SLC44A2: variants seen among roughly 807,000 people sequenced by gnomAD.
SLC44A2 encodes choline transporter-like protein 2.
A neutral mutation model predicts 90.8 loss-of-function variants in SLC44A2; 57 were observed. That is an observed-to-expected ratio of 0.63 (90% CI 0.51 to 0.78). The LOEUF is 0.78. Among genes scored for constraint, SLC44A2 ranks in the 30% least tolerant of loss-of-function variants. The pLI is 0.00. For missense variants in SLC44A2, 794 were observed against 919.7 expected, an observed-to-expected ratio of 0.86 and a Z score of 1.77; for synonymous variants, 355 against 360.7, an observed-to-expected ratio of 0.98 and a Z score of 0.18.
rs1165945709 is a variant in SLC44A2, at chr19:10,636,762, TC to T, written c.1591+9del. The T allele has an allele frequency of 1.2e-6, 2 of 1,612,356 alleles. No individual in the cohort carries two copies. Among genetic ancestry groups the T allele is most frequent in the Admixed American group, 1.7e-5 (1 of 59,790 alleles). On this transcript the variant is annotated splice_region_variant and intron_variant, in intron 16 of 21. Transcript: ENST00000335757. Reference sequence around the variant, plus strand: ...CCTGGATCAGCGGCTGAAAGGTACGTCCCACCCACGGTTCGCATTAGCTCCT... The same window carrying T: ...CCTGGATCAGCGGCTGAAAGGTACGTCCACCCACGGTTCGCATTAGCTCCT...
chr19:10,602,624 AG>A, intron 1 of SLC44A2: 1 of 1,232,964 alleles, frequency 8.1e-7, no homozygotes. Context: ...ACCTTGAGCC[AG>A]GGGGACATCT....
intron 14 of SLC44A2, 151 bp from the exon 15 acceptor site, chr19:10,636,172 A>G (rs2067052032): frequency 1.1e-6 from 1 of 906,644 alleles, no homozygotes; most frequent in Non-Finnish European, 1.7e-6. Context: ...TGCACAAGCC[A>G]TATTCTGAAC....
rs190323138 is a variant in SLC44A2 at position 10,633,932 on chromosome 19, G to A, written c.824-824G>A. Among the ~76,000 whole-genome samples, 665 of 148,994 alleles carry A rather than the reference G, an allele frequency of 4.5e-3. 6 individuals carry two copies. Among genetic ancestry groups the A allele is most frequent in the African/African-American group, 0.016 (633 of 40,560 alleles). On this transcript the variant is annotated intron_variant, in intron 10 of 21. Transcript: ENST00000335757. ...GTGGGCGGATCACCTGAGGTTGGGA[G>A]TTCGAGACCAGCCTGACCAACATGT... is the stretch of plus-strand genomic sequence containing the variant.
chr19:10,625,499 TG>T (rs1449377248), upstream of SLC44A2: 1 of 1,221,626 alleles, frequency 8.2e-7, no homozygotes, highest in Non-Finnish European at 1.0e-6. Flanking sequence ...CTGACCGGTT[TG>T]GGCCGCCCCG....
chr19:10,629,371 G>A (rs768793460), intron 4 of SLC44A2, among the ~76,000 whole-genome samples: 20 of 150,722 alleles, frequency 1.3e-4, no homozygotes, highest in Non-Finnish European at 2.5e-4. Flanking sequence ...TCCGTCTCCC[G>A]GGTTCAAGCG....
chr19:10,632,022 A>G, intron 9 of SLC44A2, 22 bp from the exon 10 acceptor site: 1 of 1,613,932 alleles, frequency 6.2e-7, no homozygotes, highest in Non-Finnish European at 8.5e-7. Context: ...GAGTCTGTTC[A>G]TGACCGTTTT....
At chr19:10,640,842 T>C (rs1488836476) in intron 20 of SLC44A2, among the ~76,000 whole-genome samples, 1 of 151,964 alleles carries the variant, frequency 6.6e-6, no homozygotes, top group African/African-American at 2.4e-5. Context: ...TCCCAGCACT[T>C]TGGGAAGCCA....
chr19:10,613,791 G>A (rs1463309414), intron 1 of SLC44A2, among the ~76,000 whole-genome samples: 1 of 152,012 alleles, frequency 6.6e-6, no homozygotes, highest in Non-Finnish European at 1.5e-5. Flanking sequence ...AAGTGGCCAG[G>A]AGCCAAGGAA....
At position 10,608,008 on chromosome 19, in the gene SLC44A2, A is replaced by G. The variant is rs375474781; in HGVS notation, c.31+5447A>G. 8.6e-5 allele frequency among the ~76,000 whole-genome samples: 13 copies of G among 151,794 alleles called. No homozygotes were observed. In the East Asian group the frequency reaches 2.3e-3, roughly 27 times the overall value. ...GATCCGCCCCCGCCTCGGCCTCCCA[A>G]AGTGCTGGGATTACAGGTGTGAGCC... is the stretch of plus-strand genomic sequence containing the variant. On this transcript the variant is annotated intron_variant, in intron 1 of 21. Coordinates refer to the SLC44A2 transcript ENST00000407327.
chr19:10,631,956 G>A lies in SLC44A2; in HGVS notation c.710+5G>A, dbSNP rs763029174. The A allele has an allele frequency of 7.4e-6, 12 of 1,614,220 alleles. No homozygotes were observed. The highest frequency in any genetic ancestry group is 4.5e-5 in the East Asian group (2 of 44,884). ...CTCTTGGTACTGGATTATCATGTAA[G>A]TCAGGAGGGAAGGGGCCTCTCCCCT... is the stretch of plus-strand genomic sequence containing the variant. On this transcript the variant is annotated splice_donor_5th_base_variant and intron_variant, in intron 9 of 21. Coordinates refer to ENST00000335757, the MANE Select transcript of SLC44A2 (RefSeq NM_020428.4).
chr19:10,636,138 T>C, intron 14 of SLC44A2, 185 bp from the exon 15 acceptor site: 1 of 696,968 alleles, frequency 1.4e-6, no homozygotes, highest in Non-Finnish European at 2.3e-6. Context: ...GATGGCCACG[T>C]CTTGTTTCTA....
chr19:10,626,432 G>A (rs2066934565), intron 2 of SLC44A2, 131 bp downstream of exon 2: 13 of 713,320 alleles, frequency 1.8e-5, no homozygotes, highest in Admixed American at 6.9e-5. Flanking sequence ...TTTTTGAGAT[G>A]GAGTCTTGCT....
chr19:10,641,090 A>AG (rs959606919), intron 20 of SLC44A2: 25 of 333,864 alleles, frequency 7.5e-5, no homozygotes, highest in Non-Finnish European at 1.2e-4. Context: ...CCGTCTCAGG[A>AG]GGGAAAAAAA....
In SLC44A2 at chr19:10,607,768, C is replaced by G. The variant is rs1285000701; in HGVS notation, c.31+5207C>G. ...TATTATTATTTTTTTTTTTTTGAGA[C>G]GGAGTCTCACTCTGTCGCTCAGGCT... On this transcript the variant is annotated intron_variant, in intron 1 of 21. Transcript: ENST00000407327. 3.5e-5 allele frequency among the ~76,000 whole-genome samples: 5 copies of G among 143,652 alleles called. No individual in the cohort carries two copies. The South Asian group carries it at 1.1e-3, about 31-fold the overall frequency. The allele number at this position is 143,652 out of a possible 152,430, so 94.2% of individuals were successfully genotyped here. A position where few individuals can be genotyped will look rare whatever the true frequency, so the allele number is the denominator to read the frequency against.
intron 20 of SLC44A2, among the ~76,000 whole-genome samples, chr19:10,639,376 G>A (rs1349124365): frequency 6.6e-6 from 1 of 152,176 alleles, no homozygotes; most frequent in Admixed American, 6.5e-5. Context: ...ACTGGGACAT[G>A]CCACGAGTAT....
chr19:10,607,493 G>A (rs760662517), intron 1 of SLC44A2, among the ~76,000 whole-genome samples: 2 of 151,156 alleles, frequency 1.3e-5, no homozygotes, highest in Admixed American at 1.3e-4. Context: ...TGAGACTACG[G>A]GTGTGTGCCG....
Position 10,614,044 on chromosome 19 carries a change from C to A in SLC44A2, c.31+11483C>A, listed in dbSNP as rs946066249. ...GCAGTGATGCGATCTTGGCTCACTG[C>A]AACCTCTGCTTCCTGGTTTCAAGCA... On this transcript the variant is annotated intron_variant, in intron 1 of 21. Coordinates refer to the SLC44A2 transcript ENST00000407327. 3.3e-5 allele frequency among the ~76,000 whole-genome samples: 5 copies of A among 152,136 alleles called. No individual in the cohort carries two copies. The East Asian group carries it at 7.7e-4, about 23-fold the overall frequency.
chr19:10,607,428 G>A (rs573119111), intron 1 of SLC44A2, among the ~76,000 whole-genome samples: 6 of 151,688 alleles, frequency 4.0e-5, no homozygotes, highest in Non-Finnish European at 7.4e-5. Context: ...ATAGCTCACC[G>A]CAGCCTCAAA....
chr19:10,610,754 C>T (rs1918277147), intron 1 of SLC44A2, among the ~76,000 whole-genome samples: 1 of 147,978 alleles, frequency 6.8e-6, no homozygotes, highest in Non-Finnish European at 1.5e-5. Context: ...ATTCTCTGGC[C>T]TCAGCCTCCC....
Sources: gnomAD v4.1 joint callset for allele counts (sites outside exome capture counted in the v4.1 genomes callset) on GRCh38, gnomAD v4.1.1 for gene constraint, MANE v1.5 for transcripts, NCBI Gene and HGNC (gene_info 2026-07-23, HGNC 2026-07-21) for gene names.